The following ADCY2 variants were observed in gnomAD, a reference collection of about 807,000 sequenced individuals.
The protein encoded by ADCY2 is adenylate cyclase type 2.
Under a neutral mutation model 125.2 loss-of-function variants are expected in ADCY2, and 31 were observed. The ratio of observed to expected loss-of-function variants is 0.25; its 90% CI spans 0.19 to 0.33. The LOEUF (loss-of-function observed/expected upper bound fraction) is 0.33, where lower values mean the gene tolerates loss of function less well. Ranked by LOEUF, ADCY2 falls within the 10% of genes least tolerant of loss-of-function variation. The probability of loss-of-function intolerance (pLI) is 1.00; values close to 1 mark genes in which losing one functional copy is unlikely to be tolerated. For missense variants in ADCY2, 904 were observed against 1,418.2 expected, an observed-to-expected ratio of 0.64 and a Z score of 5.82; for synonymous variants, 512 against 548.4, an observed-to-expected ratio of 0.93 and a Z score of 0.93.
At chr5:7,690,404 C>G (rs1740667886) in intron 4 of ADCY2, among the ~76,000 whole-genome samples, 1 of 152,142 alleles carries the variant, frequency 6.6e-6, no homozygotes, top group African/African-American at 2.4e-5. Context: ...ACTTTAAAAT[C>G]AAAATAGATT....
At chr5:7,770,408 G>A (rs908864320) in intron 17 of ADCY2, among the ~76,000 whole-genome samples, 32 of 152,146 alleles carry the variant, frequency 2.1e-4, no homozygotes, top group African/African-American at 7.5e-4. Flanking sequence ...CGATTAGGCT[G>A]AACTGGTTGA....
chr5:7,585,397 C>A (rs964765603), intron 3 of ADCY2, among the ~76,000 whole-genome samples: 1 of 152,148 alleles, frequency 6.6e-6, no homozygotes, highest in Non-Finnish European at 1.5e-5. Flanking sequence ...CAACATCTTG[C>A]GTGTCCCTTT....
chr5:7,551,584 T>A (rs1735342989), intron 3 of ADCY2, among the ~76,000 whole-genome samples: 1 of 152,212 alleles, frequency 6.6e-6, no homozygotes, highest in Non-Finnish European at 1.5e-5. Context: ...CTTTTACTTA[T>A]TCCAAATATT....
At chr5:7,821,900 G>A (rs1282447752) in intron 24 of ADCY2, among the ~76,000 whole-genome samples, 1 of 152,190 alleles carries the variant, frequency 6.6e-6, no homozygotes, top group African/African-American at 2.4e-5. Flanking sequence ...AACGGAGTGA[G>A]GGGACCAGTG....
At chr5:7,622,096 T>A (rs555040756) in intron 3 of ADCY2, among the ~76,000 whole-genome samples, 4 of 152,362 alleles carry the variant, frequency 2.6e-5, no homozygotes, top group African/African-American at 7.2e-5. Context: ...GATGGTATGA[T>A]GTTATAAAAC....
intron 2 of ADCY2, among the ~76,000 whole-genome samples, chr5:7,421,107 GA>G (rs1374089639): frequency 5.3e-5 from 8 of 152,158 alleles, no homozygotes; most frequent in Non-Finnish European, 8.8e-5. Context: ...AAGGAACAGG[GA>G]AGCTTGGAAT....
chr5:7,739,742 A>G (rs1308516176), intron 14 of ADCY2, among the ~76,000 whole-genome samples: 1 of 151,908 alleles, frequency 6.6e-6, no homozygotes, highest in Non-Finnish European at 1.5e-5. Context: ...AAGAGGACTC[A>G]CTACAGACTC....
intron 4 of ADCY2, among the ~76,000 whole-genome samples, chr5:7,678,697 A>G (rs1740216955): frequency 6.6e-6 from 1 of 152,172 alleles, no homozygotes; most frequent in South Asian, 2.1e-4. Flanking sequence ...TCCTCCTGAC[A>G]CCTTGTTGAA....
At chr5:7,508,957 A>G (rs1483406186) in intron 2 of ADCY2, among the ~76,000 whole-genome samples, 1 of 152,222 alleles carries the variant, frequency 6.6e-6, no homozygotes, top group Non-Finnish European at 1.5e-5. Flanking sequence ...GAAGATGGAG[A>G]TGATAGCCCA....
intron 20 of ADCY2, among the ~76,000 whole-genome samples, chr5:7,791,878 C>G (rs1220901843): frequency 6.6e-6 from 1 of 152,098 alleles, no homozygotes; most frequent in African/African-American, 2.4e-5. Context: ...TCCAGAAAGG[C>G]TGCCACTGTG....
In ADCY2 at chr5:7,827,954, C is replaced by T. The variant is rs1031064996; in HGVS notation, c.*1083C>T. ...GCTATGCAAATCAGTCTCACAATAGCGTGAGCTAACTGAGAGAAGTACTAA... is the reference window on the plus strand; with the variant it reads ...GCTATGCAAATCAGTCTCACAATAGTGTGAGCTAACTGAGAGAAGTACTAA... On this transcript the variant is annotated 3_prime_UTR_variant, in exon 25 of 25. Coordinates refer to ENST00000338316, the MANE Select transcript of ADCY2 (RefSeq NM_020546.3). 2.0e-5 allele frequency: 3 copies of T among 152,838 alleles called. No individual in the cohort carries two copies. Among genetic ancestry groups the T allele is most frequent in the Admixed American group, 6.5e-5 (1 of 15,306 alleles). The allele number at this position is 152,838 out of a possible 1,614,324, so 9.5% of individuals were successfully genotyped here.
chr5:7,432,520 C>T (rs1740642191), intron 2 of ADCY2, among the ~76,000 whole-genome samples: 2 of 152,190 alleles, frequency 1.3e-5, no homozygotes, highest in Admixed American at 6.5e-5. Context: ...GACCCGCTCA[C>T]CTTCGTGCTC....
chr5:7,690,598 C>A, intron 4 of ADCY2, 93 bp from the exon 5 acceptor site: 1 of 1,183,186 alleles, frequency 8.5e-7, no homozygotes, highest in Non-Finnish European at 1.1e-6. Flanking sequence ...CCCAAACTGG[C>A]CTTCCTACAA....
At chr5:7,744,512 T>C (rs7730589) in intron 15 of ADCY2, among the ~76,000 whole-genome samples, 71,530 of 152,204 alleles carry the variant, frequency 0.47, 18,287 homozygotes, top group Non-Finnish European at 0.58. Flanking sequence ...CCAATCAGGT[T>C]TAAATGCTAG....
At position 7,727,213 on chromosome 5, in the gene ADCY2, G is replaced by C. The variant is rs772358133; in HGVS notation, c.1823G>C (p.Cys608Ser). 5 of 1,614,164 alleles carry C rather than the reference G, an allele frequency of 3.1e-6. No individual in the cohort carries two copies. The highest frequency in any genetic ancestry group is 4.2e-6 in the Non-Finnish European group (5 of 1,180,010). The change falls in exon 14 of 25, where the codon TGT (cysteine) becomes TCT (serine). Residue 608 changes from cysteine to serine, a missense_variant. Physicochemically the swap from Cys to Ser is moderately radical, Grantham distance 112 (BLOSUM62 -1). Around this residue, in one of 7 missense-constraint regions of ADCY2, gnomAD observed 221 missense variants for 246.2 expected, o/e 0.90. Coordinates refer to ENST00000338316, the MANE Select transcript of ADCY2 (RefSeq NM_020546.3). Reference protein sequence around the residue: ...PAFKYYVTCACLIFFCIFIVQ... With the variant: ...PAFKYYVTCASLIFFCIFIVQ... The stretch of plus-strand genomic sequence containing the variant: ...TTCAAGTATTATGTGACTTGTGCCT[G>C]TCTCATATTCTTCTGCATCTTCATT...
intron 16 of ADCY2, among the ~76,000 whole-genome samples, chr5:7,766,415 C>T (rs1360748728): frequency 4.6e-5 from 7 of 152,278 alleles, no homozygotes; most frequent in South Asian, 2.1e-4. Flanking sequence ...ATTCTAACCA[C>T]GCCCTCTGCC....
At chr5:7,456,265 T>A (rs9313192) in intron 2 of ADCY2, among the ~76,000 whole-genome samples, 6 of 152,124 alleles carry the variant, frequency 3.9e-5, no homozygotes, top group Non-Finnish European at 7.4e-5. Flanking sequence ...TGGTATTGAT[T>A]TAAATGAAAT....
At chr5:7,789,560 T>C (rs1744191074) in intron 19 of ADCY2, 82 bp from the exon 20 acceptor site, 2 of 1,409,900 alleles carry the variant, frequency 1.4e-6, no homozygotes, top group Admixed American at 2.2e-5. Flanking sequence ...ATTTTGTTCT[T>C]TTTGTTTTCT....
chr5:7,474,475 A>G (rs554941022), intron 2 of ADCY2, among the ~76,000 whole-genome samples: 54 of 152,314 alleles, frequency 3.5e-4, no homozygotes, highest in African/African-American at 1.3e-3. Flanking sequence ...TCTTAAGGAG[A>G]TGAAATGGTG....
Sources: allele counts gnomAD v4.1 joint callset (sites outside exome capture counted in the v4.1 genomes callset), GRCh38; gene constraint gnomAD v4.1.1; regional missense constraint gnomAD v4.1.1; transcripts MANE v1.5; gene names NCBI Gene and HGNC (gene_info 2026-07-23, HGNC 2026-07-21).